Variants in DTNA observed in about 807,000 individuals in gnomAD.
DTNA encodes the protein dystrobrevin alpha.
A neutral mutation model predicts 100.7 loss-of-function variants in DTNA; 43 were observed. The observed-to-expected ratio is 0.43, with a 90% CI of 0.33 to 0.55. The LOEUF is 0.55. DTNA is among the 20% of genes least tolerant of loss of function. The probability of loss-of-function intolerance (pLI) is 0.04; values close to 1 mark genes in which losing one functional copy is unlikely to be tolerated. For missense variants in DTNA, 798 were observed against 953.9 expected (o/e 0.84, Z 2.15); for synonymous variants, 349 against 347.9 (o/e 1.00, Z -0.04).
At chr18:34,875,459 T>C in intron 18 of DTNA, 61 bp downstream of exon 18, 1 of 1,611,450 alleles carries the variant, frequency 6.2e-7, no homozygotes, top group Non-Finnish European at 8.5e-7. Context: ...CACCAAGGTC[T>C]ATTGAGTGGT....
At chr18:34,518,060 G>C (rs2041819995) in intron 1 of DTNA, among the ~76,000 whole-genome samples, 1 of 152,112 alleles carries the variant, frequency 6.6e-6, no homozygotes, top group Non-Finnish European at 1.5e-5. Flanking sequence ...CAATGTGTGA[G>C]GGATTAAACT....
chr18:34,510,622 C>CTTTT (rs1027138316), intron 1 of DTNA, among the ~76,000 whole-genome samples: 126 of 92,636 alleles, frequency 1.4e-3, no homozygotes, highest in Middle Eastern at 7.0e-3. Flanking sequence ...ACTGGCCATT[C>CTTTT]TTTTTTTTTT....
intron 1 of DTNA, among the ~76,000 whole-genome samples, chr18:34,620,004 G>T (rs944396211): frequency 5.9e-5 from 9 of 152,134 alleles, no homozygotes; most frequent in African/African-American, 2.2e-4. Flanking sequence ...GGACAGAATG[G>T]TTTTACCAAA....
At chr18:34,705,909 CAT>C (rs1332892854), upstream of DTNA, among the ~76,000 whole-genome samples, 1 of 152,132 alleles carries the variant, frequency 6.6e-6, no homozygotes, top group African/African-American at 2.4e-5. Context: ...GCTTATTTTA[CAT>C]GTCTGTCTTT....
intron 1 of DTNA, among the ~76,000 whole-genome samples, chr18:34,661,949 A>G (rs1484649629): frequency 6.6e-6 from 1 of 152,034 alleles, no homozygotes; most frequent in Non-Finnish European, 1.5e-5. Context: ...AAATAGAAAG[A>G]TGTGGCCACA....
At chr18:34,871,940 C>T (rs1310721387) in intron 17 of DTNA, among the ~76,000 whole-genome samples, 1 of 152,216 alleles carries the variant, frequency 6.6e-6, no homozygotes, top group Non-Finnish European at 1.5e-5. Flanking sequence ...AGCACAGGAT[C>T]TTCCACCTAA....
At chr18:34,745,753 T>A (rs1235148595) in intron 1 of DTNA, among the ~76,000 whole-genome samples, 1 of 152,186 alleles carries the variant, frequency 6.6e-6, no homozygotes, top group Non-Finnish European at 1.5e-5. Flanking sequence ...GCACTCCCCA[T>A]AAAATAAAAC....
chr18:34,656,442 C>CT (rs1376691567), intron 1 of DTNA, among the ~76,000 whole-genome samples: 3 of 152,154 alleles, frequency 2.0e-5, no homozygotes, highest in African/African-American at 7.2e-5. Flanking sequence ...TCCTTCTCCT[C>CT]TTTAGGGGAA....
upstream of DTNA, chr18:34,708,166 G>A (rs2082345663): frequency 6.6e-6 from 1 of 152,046 alleles, no homozygotes; most frequent in South Asian, 2.1e-4. Flanking sequence ...CATTGGCTTT[G>A]GTGTCAGGTA....
chr18:34,806,445 T>A, intron 5 of DTNA, 141 bp downstream of exon 5: 1 of 751,214 alleles, frequency 1.3e-6, no homozygotes, highest in Non-Finnish European at 2.3e-6. Flanking sequence ...TTTTCACTGA[T>A]GTTTGGATTT....
intron 1 of DTNA, among the ~76,000 whole-genome samples, chr18:34,500,637 T>C (rs1455051589): frequency 6.6e-6 from 1 of 151,614 alleles, no homozygotes; most frequent in Non-Finnish European, 1.5e-5. Flanking sequence ...CTAATTTTTG[T>C]ATTTTTGGTA....
At chr18:34,502,480 A>G (rs959113697) in intron 1 of DTNA, among the ~76,000 whole-genome samples, 3 of 152,062 alleles carry the variant, frequency 2.0e-5, no homozygotes, top group African/African-American at 7.2e-5. Context: ...CCTCTTTTCT[A>G]ATGTATGCAT....
At chr18:34,884,580 T>C (rs1812255473) in intron 21 of DTNA, 148 bp from the exon 22 acceptor site, 1 of 892,968 alleles carries the variant, frequency 1.1e-6, no homozygotes, top group Admixed American at 1.7e-5. Flanking sequence ...ATACGGTTGT[T>C]GGATGGATTG....
At chr18:34,579,322 G>A (rs960301885) in intron 1 of DTNA, among the ~76,000 whole-genome samples, 2 of 152,112 alleles carry the variant, frequency 1.3e-5, no homozygotes, top group Non-Finnish European at 2.9e-5. Context: ...TAGATATGTA[G>A]GTAGGTAGAC....
chr18:34,590,955 T>C (rs1359771614), intron 1 of DTNA, among the ~76,000 whole-genome samples: 1 of 152,202 alleles, frequency 6.6e-6, no homozygotes, highest in African/African-American at 2.4e-5. Flanking sequence ...TTTCTAAGAC[T>C]GGCACAAATG....
intron 1 of DTNA, among the ~76,000 whole-genome samples, chr18:34,672,667 A>G (rs894806713): frequency 1.3e-5 from 2 of 152,222 alleles, no homozygotes; most frequent in African/African-American, 2.4e-5. Flanking sequence ...AAATAATTTC[A>G]TAGCCATAAA....
chr18:34,741,301 C>T (rs1407434888), intron 1 of DTNA, among the ~76,000 whole-genome samples: 5 of 151,498 alleles, frequency 3.3e-5, no homozygotes, highest in Non-Finnish European at 7.4e-5. Flanking sequence ...AGCAGGGTAT[C>T]CTCCCATTCA....
At chr18:34,637,119 G>A (rs941107502) in intron 1 of DTNA, among the ~76,000 whole-genome samples, 1 of 152,178 alleles carries the variant, frequency 6.6e-6, no homozygotes, top group Non-Finnish European at 1.5e-5. Context: ...CGTAATTGCT[G>A]ATATTTGCTC....
intron 1 of DTNA, among the ~76,000 whole-genome samples, chr18:34,552,205 A>G (rs2730107): frequency 0.093 from 14,063 of 151,980 alleles, 648 homozygotes; most frequent in South Asian, 0.11. Context: ...CAGGTTCCCA[A>G]CTTTGCCTTT....
Sources: allele counts gnomAD v4.1 joint callset (sites outside exome capture counted in the v4.1 genomes callset), GRCh38; gene constraint gnomAD v4.1.1; transcripts MANE v1.5; gene names NCBI Gene and HGNC (gene_info 2026-07-23, HGNC 2026-07-21).